PLXNA4: variants seen among roughly 807,000 people sequenced by gnomAD.
The protein encoded by PLXNA4 is plexin A4.
In PLXNA4, 44 loss-of-function variants were observed where a neutral mutation model predicts 191.8. The ratio of observed to expected loss-of-function variants is 0.23; its 90% CI spans 0.18 to 0.29. The LOEUF (loss-of-function observed/expected upper bound fraction) is 0.29. PLXNA4 is among the 10% of genes least tolerant of loss of function. The pLI is 1.00. For synonymous variants in PLXNA4, 1,082 were observed against 1,009.5 expected (o/e 1.07, Z -1.36); for missense variants, 1,800 against 2,488.8 (o/e 0.72, Z 5.89).
intron 4 of PLXNA4, among the ~76,000 whole-genome samples, chr7:132,276,324 T>A (rs12666099): frequency 0.34 from 51,050 of 152,018 alleles, 8,735 homozygotes; most frequent in Admixed American, 0.44. Context: ...CAGCTCTCTG[T>A]CTCCTCCTGC....
At chr7:132,383,848 T>C (rs1805001099) in intron 3 of PLXNA4, 1 of 985,474 alleles carries the variant, frequency 1.0e-6, no homozygotes, top group Non-Finnish European at 1.2e-6. Flanking sequence ...GCAGGAGTGT[T>C]GGACCAGTTA....
intron 2 of PLXNA4, among the ~76,000 whole-genome samples, chr7:132,586,411 A>G (rs1013262215): frequency 6.6e-6 from 1 of 152,202 alleles, no homozygotes; most frequent in African/African-American, 2.4e-5. Flanking sequence ...TATCATTCTA[A>G]GGAATAAAAA....
chr7:132,638,149 C>T (rs1239342064), intron 2 of PLXNA4, among the ~76,000 whole-genome samples: 2 of 152,186 alleles, frequency 1.3e-5, no homozygotes, highest in African/African-American at 2.4e-5. Context: ...ACAGCCTCCT[C>T]CCTACACAGC....
chr7:132,332,807 C>A (rs981969210), intron 3 of PLXNA4, among the ~76,000 whole-genome samples: 6 of 150,908 alleles, frequency 4.0e-5, no homozygotes, highest in African/African-American at 1.5e-4. Context: ...CTGCAGTGAG[C>A]TGTGATCATG....
rs535404195 is a variant in PLXNA4 at position 132,422,253 on chromosome 7, G to C, written c.1371+67039C>G. On this transcript the variant is annotated intron_variant, in intron 3 of 31. Coordinates refer to ENST00000321063, the MANE Select transcript of PLXNA4 (RefSeq NM_020911.2). The stretch of plus-strand genomic sequence containing the variant: ...AGAATCTGACTTCCTGCAGAACAAT[G>C]GGTGCCTTACCCAGACAGAACTGAT... Among the ~76,000 whole-genome samples the C allele has an allele frequency of 1.5e-3, 235 of 152,302 alleles. 7 individuals are homozygous for C. The South Asian group carries it at 0.044, about 29-fold the overall frequency.
chr7:132,304,117 G>A (rs1801419566), intron 3 of PLXNA4, among the ~76,000 whole-genome samples: 2 of 150,622 alleles, frequency 1.3e-5, no homozygotes, highest in South Asian at 4.5e-4. Context: ...AAAATTAGCA[G>A]GACTAATAGA....
At chr7:132,524,080 G>A (rs1018009365) in intron 1 of PLXNA4, among the ~76,000 whole-genome samples, 6 of 152,138 alleles carry the variant, frequency 3.9e-5, no homozygotes, top group African/African-American at 1.4e-4. Flanking sequence ...TGGAAGACAA[G>A]CTGATTCTCA....
At chr7:132,299,381 A>G (rs1392648057) in intron 3 of PLXNA4, among the ~76,000 whole-genome samples, 1 of 152,178 alleles carries the variant, frequency 6.6e-6, no homozygotes, top group Non-Finnish European at 1.5e-5. Flanking sequence ...AGTCATTCTG[A>G]GGAACTAAAT....
chr7:132,378,818 C>T lies in PLXNA4; in HGVS notation c.1372-80596G>A, dbSNP rs78150202. Among the ~76,000 whole-genome samples, 898 of 151,668 alleles carry T rather than the reference C, an allele frequency of 5.9e-3. 11 individuals carry two copies. Among genetic ancestry groups the T allele is most frequent in the African/African-American group, 0.021 (854 of 41,278 alleles). ...TTAGTCTACTTCAAACCAGTGACAG[C>T]CAAGACAATTCTGAAATGGGCACTG... On this transcript the variant is annotated intron_variant, in intron 3 of 31. Transcript: ENST00000321063.
At chr7:132,242,608 C>T (rs1163800978) in intron 4 of PLXNA4, among the ~76,000 whole-genome samples, 1 of 152,192 alleles carries the variant, frequency 6.6e-6, no homozygotes, top group East Asian at 1.9e-4. Flanking sequence ...AATGACCACA[C>T]TGCGCTTTCA....
intron 9 of PLXNA4, among the ~76,000 whole-genome samples, chr7:132,217,039 G>A (rs1333213183): frequency 6.6e-6 from 1 of 152,224 alleles, no homozygotes; most frequent in African/African-American, 2.4e-5. Context: ...GCAGGGGGGT[G>A]AGAAGTGGCA....
chr7:132,203,453 G>A (rs1457547667), intron 10 of PLXNA4, 34 bp from the exon 11 acceptor site: 2 of 1,591,614 alleles, frequency 1.3e-6, no homozygotes, highest in South Asian at 1.1e-5. Context: ...AAAGAAGAAA[G>A]TGGGGTCACA....
intron 12 of PLXNA4, among the ~76,000 whole-genome samples, chr7:132,199,988 G>A (rs575531548): frequency 7.2e-4 from 110 of 152,316 alleles, no homozygotes; most frequent in East Asian, 7.7e-4. Flanking sequence ...TGTGGGGAAG[G>A]TCAGAGGGAG....
chr7:132,290,656 G>C (rs1232989623), intron 4 of PLXNA4, among the ~76,000 whole-genome samples: 8 of 152,210 alleles, frequency 5.3e-5, no homozygotes, highest in Admixed American at 5.2e-4. Context: ...ACAGGGGAAG[G>C]GGTGGGTGTG....
chr7:132,136,185 C>T (rs748846223), intron 30 of PLXNA4, among the ~76,000 whole-genome samples: 3 of 152,204 alleles, frequency 2.0e-5, no homozygotes, highest in African/African-American at 4.8e-5. Context: ...CCGGGTGAAC[C>T]TTGCTTCCTT....
intron 2 of PLXNA4, among the ~76,000 whole-genome samples, chr7:132,588,762 AAAAG>A (rs939375338): frequency 2.9e-4 from 44 of 151,192 alleles, no homozygotes; most frequent in African/African-American, 9.0e-4. Context: ...GAAAGAGAGA[AAAAG>A]AAAGAAAGAG....
In PLXNA4 at chr7:132,125,506, C is replaced by T. The variant is rs1480266821; in HGVS notation, c.*4973G>A. 1.3e-5 allele frequency: 2 copies of T among 151,724 alleles called. No homozygotes were observed. Among genetic ancestry groups the T allele is most frequent in the East Asian group, 2.0e-4 (1 of 5,126 alleles). The allele number at this position is 151,724 out of a possible 1,614,324, so 9.4% of individuals were successfully genotyped here. On this transcript the variant is annotated 3_prime_UTR_variant, in exon 32 of 32. Transcript: ENST00000321063. ...GCTCCCACTAACCGAGTAATTTGGA[C>T]TTAACATCCATAGCAGGGCTCCCTT...
At chr7:132,377,481 C>T (rs1804707343) in intron 3 of PLXNA4, among the ~76,000 whole-genome samples, 1 of 151,876 alleles carries the variant, frequency 6.6e-6, no homozygotes, top group African/African-American at 2.4e-5. Context: ...AGGATCAACT[C>T]CTCTGTTCCC....
rs185547573 is a variant in PLXNA4, at chr7:132,359,905, C to T, written c.1372-61683G>A. Among the ~76,000 whole-genome samples, 116 of 152,266 alleles carry T rather than the reference C, an allele frequency of 7.6e-4. 2 individuals carry two copies. The highest frequency in any genetic ancestry group is 2.7e-3 in the African/African-American group (114 of 41,550). Reference sequence around the variant, plus strand: ...TACCTTATCCCCTTGGGAGCAGTGACCTAATCAAGATGGCATAATTGCCTG... The same window carrying T: ...TACCTTATCCCCTTGGGAGCAGTGATCTAATCAAGATGGCATAATTGCCTG... On this transcript the variant is annotated intron_variant, in intron 3 of 31. Coordinates refer to ENST00000321063, the MANE Select transcript of PLXNA4 (RefSeq NM_020911.2).
Sources: gnomAD v4.1 joint callset for allele counts (sites outside exome capture counted in the v4.1 genomes callset) on GRCh38, gnomAD v4.1.1 for gene constraint, MANE v1.5 for transcripts, NCBI Gene and HGNC (gene_info 2026-07-23, HGNC 2026-07-21) for gene names.